The following PRKG1 variants were observed in gnomAD, a reference collection of about 807,000 sequenced individuals.
The protein encoded by PRKG1 is protein kinase cGMP-dependent 1.
Under a neutral mutation model 88.1 loss-of-function variants are expected in PRKG1, and 35 were observed. The observed-to-expected ratio is 0.40, with a 90% CI of 0.30 to 0.53. The LOEUF is 0.53. PRKG1 is among the 20% of genes least tolerant of loss of function. The pLI is 0.59. For missense variants in PRKG1, 540 were observed against 839.8 expected, an observed-to-expected ratio of 0.64 and a Z score of 4.41; for synonymous variants, 303 against 292.5, an observed-to-expected ratio of 1.04 and a Z score of -0.37.
At chr10:51,413,481 T>C (rs543041472) in intron 2 of PRKG1, among the ~76,000 whole-genome samples, 1 of 152,216 alleles carries the variant, frequency 6.6e-6, no homozygotes, top group South Asian at 2.1e-4. Context: ...TGCCTCACCC[T>C]CCTGAGTAGC....
chr10:51,164,397 T>C (rs558439940), intron 2 of PRKG1, among the ~76,000 whole-genome samples: 33 of 152,220 alleles, frequency 2.2e-4, no homozygotes, highest in African/African-American at 7.2e-4. Context: ...AACCCATCTG[T>C]ACATCACCAT....
intron 7 of PRKG1, among the ~76,000 whole-genome samples, chr10:52,100,557 C>T (rs910332307): frequency 6.6e-6 from 1 of 152,164 alleles, no homozygotes; most frequent in Non-Finnish European, 1.5e-5. Context: ...GAGCCCAGCC[C>T]CTGAGGATCC....
At chr10:51,197,460 C>T (rs1050918563) in intron 2 of PRKG1, among the ~76,000 whole-genome samples, 4 of 151,636 alleles carry the variant, frequency 2.6e-5, no homozygotes, top group South Asian at 2.1e-4. Flanking sequence ...TTAATAGAGG[C>T]GGGGTTTCAC....
chr10:51,879,955 A>G (rs1841395470), intron 4 of PRKG1, among the ~76,000 whole-genome samples: 1 of 152,222 alleles, frequency 6.6e-6, no homozygotes, highest in African/African-American at 2.4e-5. Context: ...TGGCCTGTGC[A>G]ATTCTAGCAA....
Position 51,420,096 on chromosome 10 carries a change from G to T in PRKG1, c.479-47627G>T, listed in dbSNP as rs112414702. On this transcript the variant is annotated intron_variant, in intron 2 of 17. Coordinates refer to ENST00000373980, the MANE Select transcript of PRKG1 (RefSeq NM_006258.4). ...AGTAAAGTCACTGTTTTTATGTCTG[G>T]CATTGGCTTGGGTTGTTTGCCAAAT... Among the ~76,000 whole-genome samples, 459 of 152,202 alleles carry T rather than the reference G, an allele frequency of 3.0e-3. 1 individual carries two copies. The highest frequency in any genetic ancestry group is 0.011 in the African/African-American group (445 of 41,532).
rs1837961131 is a variant in PRKG1, at chr10:51,578,992, T to G, written c.592+111156T>G. ...ATAAGTTCTGTTGGTTTTTTTTTTT[T>G]TTTTTTTTTTTTTTTTAGACAGAGT... On this transcript the variant is annotated intron_variant, in intron 3 of 17. Coordinates refer to ENST00000373980, the MANE Select transcript of PRKG1 (RefSeq NM_006258.4). Among the ~76,000 whole-genome samples the G allele has an allele frequency of 1.4e-5, 2 of 138,846 alleles. 1 individual carries two copies. Among genetic ancestry groups the G allele is most frequent in the Non-Finnish European group, 3.1e-5 (2 of 63,946 alleles). 91.1% of individuals were successfully genotyped at this position (138,846 alleles called of 152,430 possible).
chr10:50,997,054 C>G (rs564969947), intron 1 of PRKG1, among the ~76,000 whole-genome samples: 1 of 152,206 alleles, frequency 6.6e-6, no homozygotes, highest in East Asian at 1.9e-4. Context: ...TGCTTTCAGT[C>G]AAGGCTGTAC....
At chr10:51,302,817 T>A (rs1481260523) in intron 2 of PRKG1, 3 of 152,322 alleles carry the variant, frequency 2.0e-5, no homozygotes, top group Non-Finnish European at 2.9e-5. Flanking sequence ...CCTCATTTAA[T>A]CACTATAGTA....
intron 5 of PRKG1, among the ~76,000 whole-genome samples, chr10:51,942,785 G>A (rs979231778): frequency 1.3e-5 from 2 of 151,230 alleles, no homozygotes; most frequent in African/African-American, 4.9e-5. Context: ...TTATTTCTGA[G>A]GGCTCTGTTC....
intron 5 of PRKG1, among the ~76,000 whole-genome samples, chr10:52,014,525 C>T (rs1170706658): frequency 1.3e-5 from 2 of 152,184 alleles, no homozygotes; most frequent in South Asian, 4.1e-4. Flanking sequence ...CAAACCATAT[C>T]ATTCTGCCCC....
At chr10:51,943,783 C>G (rs1202524464) in intron 5 of PRKG1, among the ~76,000 whole-genome samples, 2 of 152,036 alleles carry the variant, frequency 1.3e-5, no homozygotes, top group Non-Finnish European at 2.9e-5. Flanking sequence ...TTGAACCAGC[C>G]TTGCTTCCCA....
intron 4 of PRKG1, among the ~76,000 whole-genome samples, chr10:51,813,573 G>C (rs963589385): frequency 5.9e-5 from 9 of 152,116 alleles, no homozygotes; most frequent in Non-Finnish European, 1.3e-4. Flanking sequence ...TTACAGGTAA[G>C]AATACTAAGG....
chr10:51,244,963 C>T (rs1156618793), intron 2 of PRKG1: 4 of 152,012 alleles, frequency 2.6e-5, no homozygotes, highest in Non-Finnish European at 5.9e-5. Flanking sequence ...CCAATGCAGA[C>T]TGCTGCCTTT....
At chr10:51,104,092 G>C (rs911653488) in intron 1 of PRKG1, among the ~76,000 whole-genome samples, 1 of 152,148 alleles carries the variant, frequency 6.6e-6, no homozygotes, top group Non-Finnish European at 1.5e-5. Context: ...GAATGTGTGT[G>C]TAGTAGGAGT....
At chr10:51,147,835 G>A (rs1482156427) in intron 1 of PRKG1, among the ~76,000 whole-genome samples, 4 of 152,168 alleles carry the variant, frequency 2.6e-5, no homozygotes, top group Non-Finnish European at 4.4e-5. Context: ...GTTGGTTGAT[G>A]TGAAAATACA....
At chr10:52,034,861 C>T (rs1035947059) in intron 5 of PRKG1, among the ~76,000 whole-genome samples, 3 of 152,128 alleles carry the variant, frequency 2.0e-5, no homozygotes, top group African/African-American at 4.8e-5. Context: ...TACAGGAGCT[C>T]AAATGCGCTG....
At chr10:52,160,071 G>C (rs543526263) in intron 8 of PRKG1, among the ~76,000 whole-genome samples, 1 of 151,888 alleles carries the variant, frequency 6.6e-6, no homozygotes, top group South Asian at 2.1e-4. Flanking sequence ...CTGTGCTTGA[G>C]TTTTCTTATT....
intron 2 of PRKG1, among the ~76,000 whole-genome samples, chr10:51,300,153 A>G (rs1840844412): frequency 6.6e-6 from 1 of 152,192 alleles, no homozygotes; most frequent in South Asian, 2.1e-4. Context: ...CTATTTGAAG[A>G]TGACCTTATA....
intron 5 of PRKG1, among the ~76,000 whole-genome samples, chr10:51,985,117 G>A (rs1003171404): frequency 7.0e-4 from 106 of 152,118 alleles, no homozygotes; most frequent in African/African-American, 2.4e-3. Context: ...CCTTCATAGA[G>A]CATGGAGCAC....
Sources: gnomAD v4.1 joint callset for allele counts (sites outside exome capture counted in the v4.1 genomes callset) on GRCh38, gnomAD v4.1.1 for gene constraint, MANE v1.5 for transcripts, NCBI Gene and HGNC (gene_info 2026-07-23, HGNC 2026-07-21) for gene names.